ZBTB48: variants seen among roughly 807,000 people sequenced by gnomAD.
ZBTB48 encodes the protein zinc finger and BTB domain containing 48.
Under a neutral mutation model 64.5 loss-of-function variants are expected in ZBTB48, and 35 were observed. That is an observed-to-expected ratio of 0.54 (90% CI 0.41 to 0.72). ZBTB48 has a LOEUF of 0.72. Ranked by LOEUF, ZBTB48 falls within the 30% of genes least tolerant of loss-of-function variation. The pLI is 0.00. For missense variants in ZBTB48, 828 were observed against 895.3 expected, an observed-to-expected ratio of 0.92 and a Z score of 0.96; for synonymous variants, 442 against 356.7, an observed-to-expected ratio of 1.24 and a Z score of -2.70.
chr1:6,585,946 G>A lies in ZBTB48; in HGVS notation c.960G>A (p.Glu320=), dbSNP rs1303164224. 5.0e-6 allele frequency: 8 copies of A among 1,614,122 alleles called. No individual in the cohort carries two copies. Among genetic ancestry groups the A allele is most frequent in the Non-Finnish European group, 6.8e-6 (8 of 1,179,984 alleles). The stretch of plus-strand genomic sequence containing the variant: ...AACATACTGGGGAGAAACCCTTTGA[G>A]TGTCCCAAATGTGGGAAGTGTTACT... ...NRKHTGEKPF[E]CPKCGKCYFR... The change falls in exon 4 of 11, where the codon GAG becomes GAA. Residue 320 remains glutamate, a synonymous_variant. Coordinates refer to ENST00000377674, the MANE Select transcript of ZBTB48 (RefSeq NM_005341.4).
rs1232936076 is a variant in ZBTB48 at position 6,588,155 on chromosome 1, C to T, written c.1475C>T (p.Pro492Leu). 6.2e-7 allele frequency: 1 copy of T among 1,614,154 alleles called. No individual in the cohort carries two copies. Among genetic ancestry groups the T allele is most frequent in the East Asian group, 2.2e-5 (1 of 44,888 alleles). The change falls in exon 8 of 11, where the codon CCC (proline) becomes CTC (leucine). Residue 492 changes from proline (P) to leucine (L), a missense_variant. Coordinates refer to ENST00000377674, the MANE Select transcript of ZBTB48 (RefSeq NM_005341.4). ...MHLRTHTGEK[P>L]FQCHLCGKTF... is the part of the protein sequence containing the mutation. ...CTGCGCACACACACGGGTGAGAAGC[C>T]CTTCCAGTGCCACCTCTGTGGCAAG...
rs1350938578 is a variant in ZBTB48, at chr1:6,587,736, C to T, written c.1379+104C>T. On this transcript the variant is annotated intron_variant, in intron 7 of 10. Coordinates refer to ENST00000377674, the MANE Select transcript of ZBTB48 (RefSeq NM_005341.4). ...CTGACTTTTACACAGATGAGTGTGC[C>T]CTTGGCCTCCACCCTGAATCTAGTG... 2.6e-6 allele frequency: 4 copies of T among 1,511,112 alleles called. No homozygotes were observed. In the African/African-American group the frequency reaches 5.5e-5, roughly 21 times the overall value. The allele number at this position is 1,511,112 out of a possible 1,614,324, so 93.6% of individuals were successfully genotyped here.
In ZBTB48 at chr1:6,588,773, G is replaced by T; in HGVS notation, c.1699G>T (p.Val567Leu). 6.2e-7 allele frequency: 1 copy of T among 1,614,126 alleles called. No individual in the cohort carries two copies. The highest frequency in any genetic ancestry group is 8.5e-7 in the Non-Finnish European group (1 of 1,180,040). ...TCTTGCAGCCGTGGAGCAACTGCGT[G>T]TGCACGTCAGACGGCACAAGGGGGT... ...KTFKAVEQLR[V>L]HVRRHKGVRK... The change falls in exon 10 of 11, where the codon GTG becomes TTG. Residue 567 changes from valine to leucine, a missense_variant. Val to Leu is a conservative substitution (Grantham distance 32, BLOSUM62 1). Transcript: ENST00000377674.
intron 3 of ZBTB48, among the ~76,000 whole-genome samples, chr1:6,583,608 T>A (rs567004205): frequency 7.7e-4 from 115 of 149,570 alleles, no homozygotes; most frequent in South Asian, 3.2e-3. Context: ...CTGTTATTTT[T>A]TTTTTTTTTT....
chr1:6,580,046 C>G lies in ZBTB48; in HGVS notation c.-160C>G, dbSNP rs1463338991. ...GACGGTGGAGTCTCCGCACTGTCGG[C>G]GGGGTACGCATAGCCGGGCACTAGG... On this transcript the variant is annotated 5_prime_UTR_variant, in exon 1 of 11. Transcript: ENST00000377674. The surrounding 1 kb of genome is among the most constrained non-coding windows in gnomAD (Gnocchi z 5.2). 5.1e-6 allele frequency: 1 copy of G among 194,176 alleles called. No homozygotes were observed. Among genetic ancestry groups the G allele is most frequent in the South Asian group, 8.7e-5 (1 of 11,538 alleles). 12.0% of individuals were successfully genotyped at this position (194,176 alleles called of 1,614,324 possible).
At chr1:6,587,730 G>A in intron 7 of ZBTB48, 98 bp downstream of exon 7, 1 of 1,528,360 alleles carries the variant, frequency 6.5e-7, no homozygotes, top group Non-Finnish European at 8.8e-7. Flanking sequence ...ACACAGATGA[G>A]TGTGCCCTTG....
intron 7 of ZBTB48, 140 bp from the exon 8 acceptor site, chr1:6,587,917 CCTT>C (rs1485508880): frequency 4.9e-6 from 6 of 1,231,696 alleles, no homozygotes; most frequent in Non-Finnish European, 6.7e-6. Context: ...CATAGATTGT[CCTT>C]CTGCTCTCGG....
rs1298391696 is a variant in ZBTB48, at chr1:6,584,509, A to G, written c.933-1410A>G. Among the ~76,000 whole-genome samples, 3 of 152,234 alleles carry G rather than the reference A, an allele frequency of 2.0e-5. No homozygotes were observed. Among genetic ancestry groups the G allele is most frequent in the Non-Finnish European group, 4.4e-5 (3 of 68,040 alleles). ...TTCTTGCCATGCCAGGTTGGGCGGC[A>G]CACTAGTAATCACCTAGAATGGGAG... On this transcript the variant is annotated intron_variant, in intron 3 of 10. Coordinates refer to ENST00000377674, the MANE Select transcript of ZBTB48 (RefSeq NM_005341.4). The surrounding 1 kb of genome is among the most constrained non-coding windows in gnomAD (Gnocchi z 4.5).
chr1:6,580,861 C>G lies in ZBTB48; in HGVS notation c.252C>G (p.His84Gln), dbSNP rs757354043. ...TGTTGGACTTTTTCTACACTGGTCA[C>G]CTCGCTCTCACCTCAGGGAACCGGG... ...GLLLDFFYTG[H>Q]LALTSGNRDQ... Residue 84 changes from histidine to glutamine, a missense_variant, in exon 2 of 11, where the codon CAC becomes CAG. Transcript: ENST00000377674. The surrounding 1 kb of genome is among the most constrained non-coding windows in gnomAD (Gnocchi z 5.2). 11 of 1,614,174 alleles carry G rather than the reference C, an allele frequency of 6.8e-6. No individual in the cohort carries two copies. Among genetic ancestry groups the G allele is most frequent in the Non-Finnish European group, 9.3e-6 (11 of 1,180,048 alleles).
At position 6,589,206 on chromosome 1, in the gene ZBTB48, C is replaced by T. The variant is rs1324769852; in HGVS notation, c.2061C>T (p.Asp687=). Residue 687 remains aspartate, a synonymous_variant, in exon 11 of 11, where the codon GAC becomes GAT. Coordinates refer to ENST00000377674, the MANE Select transcript of ZBTB48 (RefSeq NM_005341.4). ...IITAAVPEDC[D]T is the part of the protein sequence containing the mutation. ...CAGCTGCTGTCCCCGAGGACTGTGA[C>T]ACATAGCCCATTCTGGCCACCAGAG... 2.0e-6 allele frequency: 3 copies of T among 1,508,722 alleles called. No homozygotes were observed. The highest frequency in any genetic ancestry group is 2.6e-6 in the Non-Finnish European group (3 of 1,132,262). The allele number at this position is 1,508,722 out of a possible 1,614,324, so 93.5% of individuals were successfully genotyped here.
chr1:6,581,969 G>C (rs1640485292), intron 2 of ZBTB48, 89 bp from the exon 3 acceptor site: 1 of 1,569,420 alleles, frequency 6.4e-7, no homozygotes, highest in Non-Finnish European at 8.7e-7. Flanking sequence ...TCAGGGTTGG[G>C]GCTTGGGATG....
In ZBTB48 at chr1:6,588,311, G is replaced by A. The variant is rs1317503301; in HGVS notation, c.1550G>A (p.Gly517Glu). 3 of 1,608,242 alleles carry A rather than the reference G, an allele frequency of 1.9e-6. No homozygotes were observed. The South Asian group carries it at 3.3e-5, about 18-fold the overall frequency. ...SLDKHNRTHT[G>E]ERPFSCEFCE... Reference sequence around the variant, plus strand: ...GACAAGCACAACCGCACCCACACCGGGGAAAGGCCCTTCAGTTGCGAGTTC... The same window carrying A: ...GACAAGCACAACCGCACCCACACCGAGGAAAGGCCCTTCAGTTGCGAGTTC... The change falls in exon 9 of 11, where the codon GGG (glycine) becomes GAG (glutamate). Residue 517 changes from glycine (G) to glutamate (E), a missense_variant. Physicochemically the swap from Gly to Glu is moderately conservative, Grantham distance 98 (BLOSUM62 -2). Transcript: ENST00000377674.
chr1:6,588,967 C>T lies in ZBTB48; in HGVS notation c.1822C>T (p.Pro608Ser), dbSNP rs1465804953. The T allele has an allele frequency of 6.2e-7, 1 of 1,603,386 alleles. No individual in the cohort carries two copies. The highest frequency in any genetic ancestry group is 1.7e-5 in the Admixed American group (1 of 59,084). ...CCACGACCGGGTAGAGAACTACAAC[C>T]CGCGGCAGCGCAAGCTCCGCAACCT... ...EIHDRVENYN[P>S]RQRKLRNLII... is the part of the protein sequence containing the mutation. The change falls in exon 11 of 11, where the codon CCG becomes TCG. Residue 608 changes from proline to serine, a missense_variant. By Grantham distance (74) the Pro-to-Ser change is moderately conservative. Transcript: ENST00000377674.
chr1:6,583,775 ACT>A (rs1640559518), intron 3 of ZBTB48, among the ~76,000 whole-genome samples: 1 of 53,294 alleles, frequency 1.9e-5, no homozygotes, highest in Non-Finnish European at 4.0e-5. Flanking sequence ...TAATTGTTTT[ACT>A]TTTTTTTTTT....
In ZBTB48 at chr1:6,589,254, T is replaced by C. The variant is rs543731862; in HGVS notation, c.*42T>C. 7 of 1,480,916 alleles carry C rather than the reference T, an allele frequency of 4.7e-6. No individual in the cohort carries two copies. In the South Asian group the frequency reaches 9.7e-5, roughly 21 times the overall value. The allele number at this position is 1,480,916 out of a possible 1,614,324, so 91.7% of individuals were successfully genotyped here. A position where few individuals can be genotyped will look rare whatever the true frequency, so the allele number is the denominator to read the frequency against. On this transcript the variant is annotated 3_prime_UTR_variant, in exon 11 of 11. Transcript: ENST00000377674. ...GAGCCCACTTGGCCCCACCCCTCAA[T>C]AAACCGTGTGGCTTTGGACTCTCGT... is the stretch of plus-strand genomic sequence containing the variant.
Position 6,580,996 on chromosome 1 carries a change from G to C in ZBTB48, c.387G>C (p.Gly129=). ...SVGQAAGGQS[G]LGPPASQNVN... ...GACAGGCAGCAGGTGGCCAGAGTGG[G>C]CTGGGGCCCCCTGCCTCCCAGAATG... is the stretch of plus-strand genomic sequence containing the variant. The change falls in exon 2 of 11, where the codon GGG becomes GGC. Residue 129 remains glycine, a synonymous_variant. Coordinates refer to ENST00000377674, the MANE Select transcript of ZBTB48 (RefSeq NM_005341.4). The surrounding 1 kb of genome is among the most constrained non-coding windows in gnomAD (Gnocchi z 5.2). 3.1e-6 allele frequency: 5 copies of C among 1,613,538 alleles called. No homozygotes were observed. Among genetic ancestry groups the C allele is most frequent in the Non-Finnish European group, 4.2e-6 (5 of 1,180,024 alleles).
Position 6,588,985 on chromosome 1 carries a change from C to T in ZBTB48, c.1840C>T (p.Arg614Cys), listed in dbSNP as rs368770242. The change falls in exon 11 of 11, where the codon CGC (arginine) becomes TGC (cysteine). Residue 614 changes from arginine to cysteine, a missense_variant. Physicochemically the swap from Arg to Cys is radical, Grantham distance 180. Coordinates refer to ENST00000377674, the MANE Select transcript of ZBTB48 (RefSeq NM_005341.4). ...ENYNPRQRKL[R>C]NLIIEDEKMV... The stretch of plus-strand genomic sequence containing the variant: ...CTACAACCCGCGGCAGCGCAAGCTC[C>T]GCAACCTGATCATCGAGGACGAGAA... 13 of 1,599,228 alleles carry T rather than the reference C, an allele frequency of 8.1e-6. No homozygotes were observed. Among genetic ancestry groups the T allele is most frequent in the African/African-American group, 1.3e-5 (1 of 74,542 alleles).
intron 4 of ZBTB48, 154 bp from the exon 5 acceptor site, chr1:6,586,541 G>A (rs1172207342): frequency 6.4e-6 from 9 of 1,408,470 alleles, no homozygotes; most frequent in Non-Finnish European, 8.3e-6. Context: ...TGATGGTCAG[G>A]CCAGGCAGGT....
At position 6,582,177 on chromosome 1, in the gene ZBTB48, C is replaced by G. The variant is rs757389207; in HGVS notation, c.810C>G (p.Ala270=). 2.5e-6 allele frequency: 4 copies of G among 1,614,210 alleles called. No individual in the cohort carries two copies. Among genetic ancestry groups the G allele is most frequent in the Non-Finnish European group, 3.4e-6 (4 of 1,180,034 alleles). ...VIRKPCAAEP[A]LSAGSLAAEP... ...GAAAGCCCTGTGCAGCTGAGCCAGC[C>G]CTGAGCGCGGGCTCCCTAGCAGCTG... Residue 270 remains alanine (A), a synonymous_variant, in exon 3 of 11, where the codon GCC becomes GCG. Transcript: ENST00000377674.
Sources: allele counts gnomAD v4.1 joint callset (sites outside exome capture counted in the v4.1 genomes callset), GRCh38; gene constraint gnomAD v4.1.1; non-coding constraint Gnocchi (gnomAD v3.1); transcripts MANE v1.5; gene names NCBI Gene and HGNC (gene_info 2026-07-23, HGNC 2026-07-21).